The following PTPRM variants were observed in gnomAD, a reference collection of about 807,000 sequenced individuals.
PTPRM encodes receptor-type tyrosine-protein phosphatase mu.
PTPRM carries 47 observed loss-of-function variants against 186.7 expected under a neutral mutation model. That is an observed-to-expected ratio of 0.25 (90% CI 0.20 to 0.32). The LOEUF is 0.32. PTPRM is among the 10% of genes least tolerant of loss of function. The probability of loss-of-function intolerance (pLI) is 1.00; values close to 1 mark genes in which losing one functional copy is unlikely to be tolerated. For missense variants in PTPRM, 1,494 were observed against 1,865.0 expected, an observed-to-expected ratio of 0.80 and a Z score of 3.66; for synonymous variants, 668 against 674.9, an observed-to-expected ratio of 0.99 and a Z score of 0.16.
At position 7,605,764 on chromosome 18, in the gene PTPRM, A is replaced by T. The variant is rs113111431; in HGVS notation, c.73+37873A>T. Reference sequence around the variant, plus strand: ...TCATTCTGCAGTCTGAGGCTGTGGTAGTGATTTGGGAGAGGTCTGCCGTGT... The same window carrying T: ...TCATTCTGCAGTCTGAGGCTGTGGTTGTGATTTGGGAGAGGTCTGCCGTGT... On this transcript the variant is annotated intron_variant, in intron 1 of 32. Coordinates refer to ENST00000580170, the MANE Select transcript of PTPRM (RefSeq NM_001105244.2). Among the ~76,000 whole-genome samples, 463 of 152,164 alleles carry T rather than the reference A, an allele frequency of 3.0e-3. 6 individuals carry two copies. Among genetic ancestry groups the T allele is most frequent in the Non-Finnish European group, 1.5e-3 (105 of 68,004 alleles).
chr18:7,721,758 T>C (rs577933447), intron 1 of PTPRM, among the ~76,000 whole-genome samples: 1 of 152,324 alleles, frequency 6.6e-6, no homozygotes, highest in Non-Finnish European at 1.5e-5. Flanking sequence ...CTCAATCATA[T>C]ATGCCAGGGT....
intron 14 of PTPRM, among the ~76,000 whole-genome samples, chr18:8,155,695 G>T (rs1225564931): frequency 1.3e-5 from 2 of 152,204 alleles, no homozygotes; most frequent in African/African-American, 2.4e-5. Flanking sequence ...GGGAAAATTT[G>T]ATGAAAGCCC....
chr18:8,206,110 G>A (rs2093924265), intron 14 of PTPRM, among the ~76,000 whole-genome samples: 1 of 152,068 alleles, frequency 6.6e-6, no homozygotes, highest in Non-Finnish European at 1.5e-5. Context: ...AACCAAAAGA[G>A]AAGATGCATG....
At chr18:8,119,908 G>A (rs548545101) in intron 13 of PTPRM, among the ~76,000 whole-genome samples, 1 of 152,218 alleles carries the variant, frequency 6.6e-6, no homozygotes, top group South Asian at 2.1e-4. Flanking sequence ...GACAATATCT[G>A]GAGCTGATAA....
At chr18:7,861,297 TTAAGTTTCTGCTTA>T (rs1264898171) in intron 2 of PTPRM, among the ~76,000 whole-genome samples, 1 of 152,224 alleles carries the variant, frequency 6.6e-6, no homozygotes. Context: ...GTTTGTGCTT[TTAAGTTTCTGCTTA>T]TAAAGTAAAC....
At chr18:8,400,585 C>T (rs998024716) in intron 32 of PTPRM, among the ~76,000 whole-genome samples, 1 of 152,204 alleles carries the variant, frequency 6.6e-6, no homozygotes, top group African/African-American at 2.4e-5. Flanking sequence ...TGCCATGCGG[C>T]GGTGTTCACA....
chr18:8,225,509 C>T (rs994860148), intron 14 of PTPRM, among the ~76,000 whole-genome samples: 2 of 152,022 alleles, frequency 1.3e-5, no homozygotes, highest in Non-Finnish European at 2.9e-5. Context: ...TCTAATAAAC[C>T]CTGGTTTCTT....
intron 1 of PTPRM, among the ~76,000 whole-genome samples, chr18:7,580,122 T>A (rs1368120180): frequency 6.6e-6 from 1 of 152,212 alleles, no homozygotes; most frequent in Non-Finnish European, 1.5e-5. Context: ...AAATGACATT[T>A]GATTCAAGGA....
intron 1 of PTPRM, among the ~76,000 whole-genome samples, chr18:7,709,390 C>G (rs2040164648): frequency 6.6e-6 from 1 of 151,784 alleles, no homozygotes; most frequent in African/African-American, 2.4e-5. Flanking sequence ...ATCAAAACCT[C>G]TGGGATACAG....
At chr18:7,809,129 G>A (rs331426) in intron 2 of PTPRM, among the ~76,000 whole-genome samples, 97,313 of 151,840 alleles carry the variant, frequency 0.64, 31,788 homozygotes, top group East Asian at 0.95. Flanking sequence ...GGAGCTGGTG[G>A]GTGTTCCCAT....
At chr18:7,770,833 G>C (rs1044138485) in intron 1 of PTPRM, among the ~76,000 whole-genome samples, 1 of 151,156 alleles carries the variant, frequency 6.6e-6, no homozygotes, top group Non-Finnish European at 1.5e-5. Context: ...TGTTATTTTG[G>C]GGGGGTCCCA....
At chr18:7,631,046 C>T (rs115059620) in intron 1 of PTPRM, among the ~76,000 whole-genome samples, 3,246 of 152,242 alleles carry the variant, frequency 0.021, 118 homozygotes, top group African/African-American at 0.074. Context: ...GGACTACCGG[C>T]CAGAAACATT....
intron 4 of PTPRM, among the ~76,000 whole-genome samples, chr18:7,924,794 A>G (rs934339328): frequency 1.3e-5 from 2 of 152,182 alleles, no homozygotes; most frequent in Non-Finnish European, 2.9e-5. Flanking sequence ...CATTTGAGAA[A>G]TGCCTTGAAA....
chr18:8,344,448 G>GTGTATATATATATATATATA (rs1360655194), intron 23 of PTPRM, among the ~76,000 whole-genome samples: 69 of 33,376 alleles, frequency 2.1e-3, no homozygotes, highest in Non-Finnish European at 4.3e-3. Context: ...GTGTGTGTGT[G>GTGTATATATATATATATATA]TATATATATA....
Position 8,247,890 on chromosome 18 carries a change from G to A in PTPRM, c.2498G>A (p.Ser833Asn). The change falls in exon 16 of 33, where the codon AGC (serine) becomes AAC (asparagine). Residue 833 changes from serine to asparagine, a missense_variant. Transcript: ENST00000580170. ...TTCACAATGAAAACAAATACACTGA[G>A]CACATCGGTGCCTAATTCCTATTAC... is the stretch of plus-strand genomic sequence containing the variant. ...SSFTMKTNTLSTSVPNSYYPD... is the reference protein window; with the variant it reads ...SSFTMKTNTLNTSVPNSYYPD... The A allele has an allele frequency of 6.2e-7, 1 of 1,604,186 alleles. No homozygotes were observed. Among genetic ancestry groups the A allele is most frequent in the Non-Finnish European group, 8.5e-7 (1 of 1,171,020 alleles).
chr18:8,099,792 G>A (rs2091202534), intron 11 of PTPRM, among the ~76,000 whole-genome samples: 1 of 152,192 alleles, frequency 6.6e-6, no homozygotes, highest in African/African-American at 2.4e-5. Flanking sequence ...CACAAATTAA[G>A]AGAACACGTG....
At chr18:8,085,575 G>A (rs901619802) in intron 9 of PTPRM, 96 bp from the exon 10 acceptor site, 9 of 1,054,776 alleles carry the variant, frequency 8.5e-6, no homozygotes, top group Non-Finnish European at 1.3e-5. Flanking sequence ...ATCATAAAGT[G>A]TCTGACAGTG....
intron 1 of PTPRM, among the ~76,000 whole-genome samples, chr18:7,581,486 C>A (rs972783635): frequency 2.0e-5 from 3 of 152,104 alleles, no homozygotes; most frequent in African/African-American, 7.2e-5. Context: ...TTTTTGCTGG[C>A]CTGATTCTTA....
At chr18:8,100,097 A>G (rs539854705) in intron 11 of PTPRM, among the ~76,000 whole-genome samples, 2 of 152,096 alleles carry the variant, frequency 1.3e-5, no homozygotes, top group South Asian at 4.2e-4. Context: ...AAGCAGGAGC[A>G]AGGCAGAGAG....
Sources: allele counts gnomAD v4.1 joint callset (sites outside exome capture counted in the v4.1 genomes callset), GRCh38; gene constraint gnomAD v4.1.1; transcripts MANE v1.5; gene names NCBI Gene and HGNC (gene_info 2026-07-23, HGNC 2026-07-21).